DPP10: variants seen among roughly 807,000 people sequenced by gnomAD.
DPP10 encodes the protein dipeptidyl peptidase like 10.
In DPP10, 33 loss-of-function variants were observed where a neutral mutation model predicts 120.9. The ratio of observed to expected loss-of-function variants is 0.27; its 90% CI spans 0.21 to 0.37. DPP10 has a LOEUF of 0.37. Among genes scored for constraint, DPP10 ranks in the 10% least tolerant of loss-of-function variants. DPP10 has a pLI of 1.00. For missense variants in DPP10, 816 were observed against 942.8 expected, an observed-to-expected ratio of 0.87 and a Z score of 1.76; for synonymous variants, 337 against 326.1, an observed-to-expected ratio of 1.03 and a Z score of -0.36.
At chr2:114,966,933 T>C (rs1699075108) in intron 1 of DPP10, among the ~76,000 whole-genome samples, 1 of 152,074 alleles carries the variant, frequency 6.6e-6, no homozygotes, top group Non-Finnish European at 1.5e-5. Context: ...TCCCAGCTAC[T>C]TGGGAGGCTG....
intron 1 of DPP10, among the ~76,000 whole-genome samples, chr2:114,943,063 C>G (rs578235367): frequency 9.2e-5 from 14 of 152,202 alleles, no homozygotes; most frequent in East Asian, 1.9e-4. Context: ...CTCCACCCCC[C>G]AGCAGGCCCA....
intron 1 of DPP10, among the ~76,000 whole-genome samples, chr2:115,224,226 G>C (rs2057322219): frequency 6.6e-6 from 1 of 152,098 alleles, no homozygotes; most frequent in African/African-American, 2.4e-5. Flanking sequence ...ATTTGAATGG[G>C]CTTTCCTGAA....
At chr2:115,375,356 A>C (rs1340259980) in intron 3 of DPP10, among the ~76,000 whole-genome samples, 1 of 152,284 alleles carries the variant, frequency 6.6e-6, no homozygotes, top group South Asian at 2.1e-4. Flanking sequence ...TGCTCCAGTA[A>C]CCAGTAAGTT....
At chr2:115,085,641 CAA>C (rs1398493920) in intron 1 of DPP10, among the ~76,000 whole-genome samples, 1 of 152,138 alleles carries the variant, frequency 6.6e-6, no homozygotes, top group Non-Finnish European at 1.5e-5. Flanking sequence ...TAGGAAATCT[CAA>C]AGTTTCCCCT....
chr2:114,856,775 G>A (rs1421802410), intron 1 of DPP10, among the ~76,000 whole-genome samples: 2 of 152,024 alleles, frequency 1.3e-5, no homozygotes, highest in Non-Finnish European at 2.9e-5. Context: ...TTATCTTAGC[G>A]GTGGCCATAT....
At chr2:115,643,580 A>G (rs2149355844) in intron 5 of DPP10, among the ~76,000 whole-genome samples, 1 of 152,356 alleles carries the variant, frequency 6.6e-6, no homozygotes, top group East Asian at 1.9e-4. Context: ...GATGGGGCAC[A>G]TAAGACGTTA....
chr2:115,604,530 G>C (rs2083570625), intron 5 of DPP10, among the ~76,000 whole-genome samples: 1 of 152,104 alleles, frequency 6.6e-6, no homozygotes, highest in African/African-American at 2.4e-5. Flanking sequence ...CCATAGTTCT[G>C]TTCTGTCAGG....
At chr2:115,087,069 T>C (rs1708769032) in intron 1 of DPP10, among the ~76,000 whole-genome samples, 2 of 152,220 alleles carry the variant, frequency 1.3e-5, no homozygotes, top group Non-Finnish European at 2.9e-5. Flanking sequence ...TCTCAGCCCA[T>C]GGCACTGTGT....
At chr2:115,286,528 T>C (rs1196485057) in intron 1 of DPP10, among the ~76,000 whole-genome samples, 1 of 100,072 alleles carries the variant, frequency 1.0e-5, no homozygotes, top group Non-Finnish European at 2.1e-5. Flanking sequence ...ATATATATAA[T>C]ATATATATAT....
chr2:115,135,786 CA>C, intron 1 of DPP10, among the ~76,000 whole-genome samples: 1 of 152,274 alleles, frequency 6.6e-6, no homozygotes, highest in African/African-American at 2.4e-5. Flanking sequence ...ATGTTTTACA[CA>C]TAATTCCAGA....
chr2:114,936,042 T>C (rs1696439379), intron 1 of DPP10, among the ~76,000 whole-genome samples: 1 of 152,114 alleles, frequency 6.6e-6, no homozygotes, highest in African/African-American at 2.4e-5. Context: ...TTTGGTTACA[T>C]GAATAAGTTC....
chr2:114,722,533 T>C (rs1701762838), intron 1 of DPP10, among the ~76,000 whole-genome samples: 1 of 151,898 alleles, frequency 6.6e-6, no homozygotes, highest in South Asian at 2.1e-4. Context: ...TCCCAGCACT[T>C]TGGGAGGCCG....
At chr2:114,720,643 T>C (rs1309221094) in intron 1 of DPP10, among the ~76,000 whole-genome samples, 1 of 152,228 alleles carries the variant, frequency 6.6e-6, no homozygotes, top group Non-Finnish European at 1.5e-5. Flanking sequence ...AGAACAATTG[T>C]CTAAGTACCA....
intron 1 of DPP10, among the ~76,000 whole-genome samples, chr2:115,110,978 TA>T (rs1020762603): frequency 7.2e-5 from 11 of 152,094 alleles, no homozygotes; most frequent in Non-Finnish European, 1.3e-4. Flanking sequence ...AGGTTGATTT[TA>T]AAAATATAAG....
At chr2:115,384,817 A>G (rs1559522844) in intron 3 of DPP10, among the ~76,000 whole-genome samples, 2 of 152,204 alleles carry the variant, frequency 1.3e-5, no homozygotes, top group Non-Finnish European at 1.5e-5. Context: ...GGTCACTGGT[A>G]TGGTTTGGCT....
rs555350156 is a variant in DPP10, at chr2:115,621,676, GGTTT to G, written c.442-67993_442-67990del. Among the ~76,000 whole-genome samples the G allele has an allele frequency of 9.9e-5, 15 of 152,016 alleles. No individual in the cohort carries two copies. In the South Asian group the frequency reaches 1.2e-3, roughly 13 times the overall value. On this transcript the variant is annotated intron_variant, in intron 5 of 25. Transcript: ENST00000410059. ...ATTAAAAAAAATTCTATGTATTTTT[GGTTT>G]GTTTGTTTGTTTGTTTGAGAGGGAG...
chr2:115,783,874 A>G (rs1052900088), intron 17 of DPP10, among the ~76,000 whole-genome samples: 2 of 152,184 alleles, frequency 1.3e-5, no homozygotes, highest in Non-Finnish European at 2.9e-5. Flanking sequence ...GTCCTCCGAG[A>G]CAAATAAACA....
chr2:115,207,389 T>C (rs17355679), intron 1 of DPP10, among the ~76,000 whole-genome samples: 78,695 of 136,112 alleles, frequency 0.58, 23,028 homozygotes, highest in Middle Eastern at 0.72. Flanking sequence ...TAATGACTTG[T>C]GGGTTTTTAA....
At chr2:115,397,008 G>A (rs1163377474) in intron 3 of DPP10, among the ~76,000 whole-genome samples, 1 of 152,126 alleles carries the variant, frequency 6.6e-6, no homozygotes, top group Non-Finnish European at 1.5e-5. Flanking sequence ...GATTTATAAT[G>A]GGTTAATTAA....
Sources: gnomAD v4.1 joint callset for allele counts (sites outside exome capture counted in the v4.1 genomes callset) on GRCh38, gnomAD v4.1.1 for gene constraint, MANE v1.5 for transcripts, NCBI Gene and HGNC (gene_info 2026-07-23, HGNC 2026-07-21) for gene names.